The following RBFOX1 variants were observed in gnomAD, a reference collection of about 807,000 sequenced individuals.
The protein encoded by RBFOX1 is RNA binding fox-1 homolog 1.
A neutral mutation model predicts 57.7 loss-of-function variants in RBFOX1; 8 were observed. That is an observed-to-expected ratio of 0.14 (90% CI 0.08 to 0.25). RBFOX1 has a LOEUF of 0.25. RBFOX1 is among the 10% of genes least tolerant of loss of function. The pLI is 1.00. For missense variants in RBFOX1, 611 were observed against 548.5 expected (o/e 1.11, Z -1.14); for synonymous variants, 326 against 222.4 (o/e 1.47, Z -4.15).
intron 1 of RBFOX1, among the ~76,000 whole-genome samples, chr16:6,282,578 T>A (rs1236190670): frequency 6.6e-6 from 1 of 151,956 alleles, no homozygotes; most frequent in African/African-American, 2.4e-5. Flanking sequence ...GATATTCCCC[T>A]CCCTGTGTCC....
intron 3 of RBFOX1, among the ~76,000 whole-genome samples, chr16:5,656,449 A>G (rs1274569522): frequency 3.3e-5 from 5 of 152,204 alleles, no homozygotes; most frequent in Non-Finnish European, 7.4e-5. Flanking sequence ...CACTTTACTA[A>G]GGTGTGATTA....
At chr16:7,210,334 C>G (rs1316831996) in intron 4 of RBFOX1, among the ~76,000 whole-genome samples, 1 of 152,148 alleles carries the variant, frequency 6.6e-6, no homozygotes, top group Non-Finnish European at 1.5e-5. Flanking sequence ...TGGGCAGGAG[C>G]TGACAGCGTG....
At chr16:7,709,418 CACTA>C (rs2083532053) in intron 15 of RBFOX1, 1 of 1,305,958 alleles carries the variant, frequency 7.7e-7, no homozygotes, top group Non-Finnish European at 1.0e-6. Flanking sequence ...TTAAATCCAT[CACTA>C]ACAGAATGCA....
chr16:6,522,802 C>G (rs767891758), intron 2 of RBFOX1, among the ~76,000 whole-genome samples: 1 of 152,174 alleles, frequency 6.6e-6, no homozygotes, highest in Non-Finnish European at 1.5e-5. Context: ...CAACCCAAAC[C>G]TTTGCCTTGA....
At chr16:5,877,639 A>C (rs934789269) in intron 4 of RBFOX1, among the ~76,000 whole-genome samples, 6 of 152,224 alleles carry the variant, frequency 3.9e-5, no homozygotes, top group Non-Finnish European at 8.8e-5. Flanking sequence ...CATCAGTTAC[A>C]GTAGCAGCAG....
intron 4 of RBFOX1, among the ~76,000 whole-genome samples, chr16:6,006,947 C>T (rs1172585351): frequency 1.3e-5 from 2 of 152,172 alleles, no homozygotes; most frequent in African/African-American, 4.8e-5. Flanking sequence ...CTCTGCCATC[C>T]ATGTAGGATT....
chr16:7,042,385 A>G (rs1231226529), intron 3 of RBFOX1, among the ~76,000 whole-genome samples: 3 of 152,200 alleles, frequency 2.0e-5, no homozygotes, highest in African/African-American at 2.4e-5. Context: ...CAACCCATCC[A>G]GATGGTAATT....
chr16:7,205,679 C>A (rs2089812034), intron 4 of RBFOX1, among the ~76,000 whole-genome samples: 1 of 152,140 alleles, frequency 6.6e-6, no homozygotes, highest in Non-Finnish European at 1.5e-5. Context: ...TCATTAATAA[C>A]ATTGACGTAA....
intron 2 of RBFOX1, among the ~76,000 whole-genome samples, chr16:6,325,264 C>T (rs1021545805): frequency 2.6e-5 from 4 of 152,106 alleles, no homozygotes; most frequent in African/African-American, 9.7e-5. Context: ...GAAGCTGAGG[C>T]AGGAGGATCA....
At chr16:7,243,818 G>A (rs770217353) in intron 4 of RBFOX1, among the ~76,000 whole-genome samples, 21 of 152,138 alleles carry the variant, frequency 1.4e-4, no homozygotes, top group Middle Eastern at 3.4e-3. Context: ...CCAAAGTGCT[G>A]GTATTAGAGG....
At chr16:7,208,663 G>C (rs9925391) in intron 4 of RBFOX1, among the ~76,000 whole-genome samples, 52,843 of 151,826 alleles carry the variant, frequency 0.35, 10,682 homozygotes, top group African/African-American at 0.56. Context: ...TAGCAAGACC[G>C]TATCTCAACA....
At chr16:7,531,198 C>T (rs2079983156) in intron 5 of RBFOX1, among the ~76,000 whole-genome samples, 1 of 152,086 alleles carries the variant, frequency 6.6e-6, no homozygotes, top group Non-Finnish European at 1.5e-5. Context: ...CTGCCCTGAT[C>T]TTTTAAAAGG....
chr16:6,567,702 G>A (rs1308083727), intron 2 of RBFOX1, among the ~76,000 whole-genome samples: 1 of 152,166 alleles, frequency 6.6e-6, no homozygotes, highest in African/African-American at 2.4e-5. Context: ...GTGGATGGAT[G>A]CCTATTTACA....
intron 4 of RBFOX1, among the ~76,000 whole-genome samples, chr16:7,222,054 C>T (rs1404373169): frequency 3.3e-5 from 5 of 152,128 alleles, no homozygotes; most frequent in African/African-American, 4.8e-5. Flanking sequence ...CGTGAAGACA[C>T]AAAGCTAAGT....
chr16:6,921,183 A>G (rs1432618615), intron 3 of RBFOX1, among the ~76,000 whole-genome samples: 2 of 152,176 alleles, frequency 1.3e-5, no homozygotes, highest in African/African-American at 4.8e-5. Flanking sequence ...AACTAAATGC[A>G]TGAGTTTTCT....
At chr16:6,757,599 G>T (rs12102314) in intron 3 of RBFOX1, among the ~76,000 whole-genome samples, 4 of 152,068 alleles carry the variant, frequency 2.6e-5, no homozygotes, top group Non-Finnish European at 5.9e-5. Context: ...TAAAAAAGTT[G>T]ATCTCTGGAG....
intron 3 of RBFOX1, among the ~76,000 whole-genome samples, chr16:6,852,880 G>A (rs2094144474): frequency 6.6e-6 from 1 of 152,046 alleles, no homozygotes; most frequent in Non-Finnish European, 1.5e-5. Flanking sequence ...GGTGCATGCT[G>A]GGAACTAGCT....
At chr16:6,298,331 T>C (rs1234948572) in intron 1 of RBFOX1, among the ~76,000 whole-genome samples, 1 of 152,192 alleles carries the variant, frequency 6.6e-6, no homozygotes, top group Non-Finnish European at 1.5e-5. Flanking sequence ...TGTTTTTGCT[T>C]TCCATCACAC....
chr16:6,967,886 A>T (rs1319723475), intron 3 of RBFOX1, among the ~76,000 whole-genome samples: 3 of 152,148 alleles, frequency 2.0e-5, no homozygotes, highest in African/African-American at 4.8e-5. Context: ...CTGAAAAAAG[A>T]TGCCCCAAAT....
Sources: allele counts gnomAD v4.1 joint callset (sites outside exome capture counted in the v4.1 genomes callset), GRCh38; gene constraint gnomAD v4.1.1; transcripts MANE v1.5; gene names NCBI Gene and HGNC (gene_info 2026-07-23, HGNC 2026-07-21).